DOCK4: variants seen among roughly 807,000 people sequenced by gnomAD.
The protein encoded by DOCK4 is dedicator of cytokinesis protein 4.
DOCK4 carries 97 observed loss-of-function variants against 268.1 expected under a neutral mutation model. The observed-to-expected ratio is 0.36, with a 90% CI of 0.31 to 0.43. DOCK4 has a LOEUF of 0.43. Ranked by LOEUF, DOCK4 falls within the 20% of genes least tolerant of loss-of-function variation. The pLI, the probability that DOCK4 is intolerant of heterozygous loss-of-function variation, is 1.00. For synonymous variants in DOCK4, 954 were observed against 887.2 expected (o/e 1.08, Z -1.34); for missense variants, 2,145 against 2,455.7 (o/e 0.87, Z 2.67).
chr7:111,747,171 G>A (rs932722485), intron 43 of DOCK4, 96 bp downstream of exon 43: 53 of 1,164,652 alleles, frequency 4.6e-5, no homozygotes, highest in East Asian at 2.2e-4. Flanking sequence ...CTATGTTTGC[G>A]TGCTGATATG....
chr7:111,938,157 C>T (rs1794891126), intron 11 of DOCK4, among the ~76,000 whole-genome samples: 2 of 152,198 alleles, frequency 1.3e-5, no homozygotes, highest in African/African-American at 2.4e-5. Context: ...TCAAGTTTAA[C>T]ATCAACATCA....
At chr7:111,985,864 G>A (rs1799012661) in intron 6 of DOCK4, among the ~76,000 whole-genome samples, 1 of 152,198 alleles carries the variant, frequency 6.6e-6, no homozygotes, top group African/African-American at 2.4e-5. Context: ...CCTTCTGAAA[G>A]AGAACCACCG....
intron 11 of DOCK4, 49 bp downstream of exon 11, chr7:111,940,061 C>T: frequency 6.2e-7 from 1 of 1,602,616 alleles, no homozygotes; most frequent in Non-Finnish European, 8.5e-7. Flanking sequence ...GTAGGACCCA[C>T]ATGTACCCCT....
intron 42 of DOCK4, among the ~76,000 whole-genome samples, chr7:111,753,390 ACTTGAGCCCGGGAGGT>A (rs1796821403): frequency 6.6e-6 from 1 of 152,110 alleles, no homozygotes; most frequent in South Asian, 2.1e-4. Context: ...TGGGAGGATC[ACTTGAGCCCGGGAGGT>A]CAAGGCTGCA....
At chr7:111,750,438 C>T (rs562500547) in intron 42 of DOCK4, among the ~76,000 whole-genome samples, 117 of 152,120 alleles carry the variant, frequency 7.7e-4, no homozygotes, top group Non-Finnish European at 1.4e-3. Flanking sequence ...ACAGAATGTC[C>T]CTGAGAAGCT....
chr7:111,729,331 A>C (rs1276471380), intron 52 of DOCK4, among the ~76,000 whole-genome samples: 2 of 152,128 alleles, frequency 1.3e-5, no homozygotes, highest in Non-Finnish European at 2.9e-5. Flanking sequence ...AGGCCGATGC[A>C]GGGATCACTT....
intron 35 of DOCK4, among the ~76,000 whole-genome samples, chr7:111,780,999 A>G (rs1456272547): frequency 1.3e-5 from 2 of 152,228 alleles, no homozygotes; most frequent in African/African-American, 2.4e-5. Flanking sequence ...TGATTATACT[A>G]TATTAAATCT....
At chr7:112,205,777 A>G (rs2116919955) in intron 1 of DOCK4, among the ~76,000 whole-genome samples, 1 of 150,566 alleles carries the variant, frequency 6.6e-6, no homozygotes, top group East Asian at 1.9e-4. Context: ...AACTTGACAC[A>G]CACACACACA....
At chr7:111,944,105 C>T (rs1392433088) in intron 10 of DOCK4, among the ~76,000 whole-genome samples, 1 of 152,106 alleles carries the variant, frequency 6.6e-6, no homozygotes, top group Non-Finnish European at 1.5e-5. Flanking sequence ...TTTTTAGAGG[C>T]ATTTTATGTG....
intron 1 of DOCK4, among the ~76,000 whole-genome samples, chr7:112,084,988 C>T (rs946923717): frequency 9.9e-5 from 15 of 152,030 alleles, no homozygotes; most frequent in African/African-American, 3.6e-4. Context: ...TGGAAGTGGT[C>T]AAGCAGGAAT....
At chr7:111,739,656 T>C in intron 47 of DOCK4, 179 bp from the exon 48 acceptor site, 2 of 602,974 alleles carry the variant, frequency 3.3e-6, no homozygotes, top group Non-Finnish European at 5.8e-6. Flanking sequence ...ATGAAAAGTC[T>C]GAGATTTTGA....
Position 111,895,738 on chromosome 7 carries a change from T to C in DOCK4, c.1481-20A>G, listed in dbSNP as rs181788154. Reference sequence around the variant, plus strand: ...CCTTTGCTGTAAAAAACAAATTACTTGCTTATTTAAGTGTATCTATGTTCA... The same window carrying C: ...CCTTTGCTGTAAAAAACAAATTACTCGCTTATTTAAGTGTATCTATGTTCA... On this transcript the variant is annotated intron_variant, in intron 15 of 52. Coordinates refer to ENST00000428084, the MANE Select transcript of DOCK4 (RefSeq NM_001363540.2). 6.2e-7 allele frequency: 1 copy of C among 1,607,110 alleles called. No homozygotes were observed. The highest frequency in any genetic ancestry group is 8.5e-7 in the Non-Finnish European group (1 of 1,173,888).
At chr7:111,989,306 T>G in intron 5 of DOCK4, 143 bp from the exon 6 acceptor site, 1 of 1,099,384 alleles carries the variant, frequency 9.1e-7, no homozygotes, top group Admixed American at 2.6e-5. Flanking sequence ...ACAGACAAAC[T>G]GTTCGCTCAC....
chr7:112,089,002 C>T (rs1323507511), intron 1 of DOCK4, among the ~76,000 whole-genome samples: 7 of 152,036 alleles, frequency 4.6e-5, no homozygotes, highest in Non-Finnish European at 7.4e-5. Context: ...CACTGGATTT[C>T]GAAGACTTGG....
At chr7:111,881,016 G>A (rs538407249) in intron 16 of DOCK4, among the ~76,000 whole-genome samples, 1 of 152,104 alleles carries the variant, frequency 6.6e-6, no homozygotes, top group Non-Finnish European at 1.5e-5. Flanking sequence ...ACAGCGGTCT[G>A]GGCAAAAATT....
chr7:111,975,037 C>T (rs774910216), intron 8 of DOCK4, among the ~76,000 whole-genome samples: 2 of 152,050 alleles, frequency 1.3e-5, no homozygotes, highest in Non-Finnish European at 2.9e-5. Flanking sequence ...GAGGCCAAGG[C>T]GGGGGGATCA....
rs1486890524 is a variant in DOCK4, at chr7:111,994,345, C to T, written c.219-114G>A. On this transcript the variant is annotated intron_variant, in intron 4 of 52. Transcript: ENST00000428084. ...AGCTGCCTAGCTATTGTTCGTTCTA[C>T]AGACAGTAACCAGGATCTGGTTATA... 1.0e-5 allele frequency: 6 copies of T among 577,782 alleles called. No individual in the cohort carries two copies. The East Asian group carries it at 1.8e-4, about 17-fold the overall frequency. 35.8% of individuals were successfully genotyped at this position (577,782 alleles called of 1,614,324 possible). A position where few individuals can be genotyped will look rare whatever the true frequency, so the allele number is the denominator to read the frequency against.
rs1201342449 is a variant in DOCK4 at position 111,847,055 on chromosome 7, T to C, written c.2545A>G (p.Ile849Val). The change falls in exon 24 of 53, where the codon ATC becomes GTC. Residue 849 changes from isoleucine to valine, a missense_variant. Ile to Val is a conservative substitution (Grantham distance 29, BLOSUM62 3). Transcript: ENST00000428084. ...HIHLQEQKDL[I>V]MCARILSNVF... Reference sequence around the variant, plus strand: ...TTGCTAAGGATACGTGCACACATGATCAGGTCCTTCTGTTCTTGCAAGTGA... The same window carrying C: ...TTGCTAAGGATACGTGCACACATGACCAGGTCCTTCTGTTCTTGCAAGTGA... The C allele has an allele frequency of 6.2e-7, 1 of 1,613,834 alleles. No homozygotes were observed. The highest frequency in any genetic ancestry group is 8.5e-7 in the Non-Finnish European group (1 of 1,179,774).
intron 39 of DOCK4, among the ~76,000 whole-genome samples, chr7:111,764,665 C>A (rs536327746): frequency 5.9e-5 from 9 of 152,174 alleles, no homozygotes; most frequent in Admixed American, 5.2e-4. Flanking sequence ...GGTCTCTTTG[C>A]TGGGTGACAT....
Sources: gnomAD v4.1 joint callset for allele counts (sites outside exome capture counted in the v4.1 genomes callset) on GRCh38, gnomAD v4.1.1 for gene constraint, MANE v1.5 for transcripts, NCBI Gene and HGNC (gene_info 2026-07-23, HGNC 2026-07-21) for gene names.